Variants in SPG11 observed in about 807,000 individuals in gnomAD.
SPG11 encodes the protein SPG11 vesicle trafficking associated, spatacsin.
SPG11 carries 222 observed loss-of-function variants against 274.0 expected under a neutral mutation model. The observed-to-expected ratio is 0.81, with a 90% CI of 0.73 to 0.91. SPG11 has a LOEUF of 0.91. SPG11 is among the 40% of genes least tolerant of loss of function. The pLI, the probability that SPG11 is intolerant of heterozygous loss-of-function variation, is 0.00. For missense variants in SPG11, 3,114 were observed against 2,872.7 expected (o/e 1.08, Z -1.92); for synonymous variants, 1,144 against 1,039.7 (o/e 1.10, Z -1.93).
intron 7 of SPG11, among the ~76,000 whole-genome samples, chr15:44,640,374 C>A (rs1217991178): frequency 6.6e-6 from 1 of 151,932 alleles, no homozygotes; most frequent in African/African-American, 2.4e-5. Flanking sequence ...ACCTGCCCCG[C>A]CCCCCAAAAG....
chr15:44,562,884 TTAATAC>T lies in SPG11; in HGVS notation c.*231_*236del. The T allele has an allele frequency of 2.0e-6, 1 of 496,968 alleles. No homozygotes were observed. The highest frequency in any genetic ancestry group is 2.4e-5 in the South Asian group (1 of 41,640). 30.8% of individuals were successfully genotyped at this position (496,968 alleles called of 1,614,324 possible). On this transcript the variant is annotated 3_prime_UTR_variant, in exon 40 of 40. Transcript: ENST00000261866. ...CCTGAGGAAGAGGAAGCTTTTGATC[TTAATAC>T]TAGTATCTATATAAAATGGTGTGGA...
chr15:44,625,949 G>C (rs2083886542), intron 11 of SPG11, among the ~76,000 whole-genome samples: 1 of 152,196 alleles, frequency 6.6e-6, no homozygotes, highest in Non-Finnish European at 1.5e-5. Flanking sequence ...CAAAGTGCTG[G>C]GATTACAGGC....
chr15:44,631,015 C>T (rs1026971957), intron 8 of SPG11, among the ~76,000 whole-genome samples: 1 of 152,112 alleles, frequency 6.6e-6, no homozygotes, highest in African/African-American at 2.4e-5. Flanking sequence ...TAATTTTCTC[C>T]ATGTAAGCAG....
At position 44,652,314 on chromosome 15, in the gene SPG11, C is replaced by T. The variant is rs772864872; in HGVS notation, c.870-48G>A. On this transcript the variant is annotated intron_variant, in intron 4 of 39. Coordinates refer to ENST00000261866, the MANE Select transcript of SPG11 (RefSeq NM_025137.4). ...ACATATGAAAAAATGATGATCAAACCCAAATTTGTGTTACTACTGCTCCTG... is the reference window on the plus strand; with the variant it reads ...ACATATGAAAAAATGATGATCAAACTCAAATTTGTGTTACTACTGCTCCTG... The T allele has an allele frequency of 2.5e-6, 4 of 1,603,864 alleles. No individual in the cohort carries two copies. The South Asian group carries it at 3.3e-5, about 13-fold the overall frequency.
intron 32 of SPG11, among the ~76,000 whole-genome samples, 195 bp from the exon 33 acceptor site, chr15:44,573,015 C>T (rs1394831830): frequency 3.5e-5 from 4 of 112,820 alleles, no homozygotes; most frequent in Non-Finnish European, 6.6e-5. Flanking sequence ...GAGATGGAGT[C>T]TTGCTCTGTC....
Position 44,573,535 on chromosome 15 carries a change from G to C in SPG11, c.6205+12C>G, listed in dbSNP as rs373329133. 2.1e-5 allele frequency: 34 copies of C among 1,614,032 alleles called. No homozygotes were observed. In the African/African-American group the frequency reaches 2.9e-4, roughly 14 times the overall value. ...TGTCAGAGAGGTTGGGAATCCCCGGGGGGTAGGGCACCTGTTCCCTGTGAT... is the reference window on the plus strand; with the variant it reads ...TGTCAGAGAGGTTGGGAATCCCCGGCGGGTAGGGCACCTGTTCCCTGTGAT... On this transcript the variant is annotated intron_variant, in intron 32 of 39. Coordinates refer to ENST00000261866, the MANE Select transcript of SPG11 (RefSeq NM_025137.4).
At chr15:44,566,526 C>T (rs1352082751) in intron 36 of SPG11, among the ~76,000 whole-genome samples, 2 of 152,166 alleles carry the variant, frequency 1.3e-5, no homozygotes, top group Non-Finnish European at 2.9e-5. Context: ...CCTCATTTCT[C>T]CAAAACATCA....
rs775170269 is a variant in SPG11 at position 44,563,109 on chromosome 15, C to T, written c.*12G>A. 1 of 1,613,518 alleles carries T rather than the reference C, an allele frequency of 6.2e-7. No individual in the cohort carries two copies. Among genetic ancestry groups the T allele is most frequent in the Non-Finnish European group, 8.5e-7 (1 of 1,179,632 alleles). ...GCTAACAGTACAAGAAAACAGACACCTATGAAATCATCTAACCTGCTAGCA... is the reference window on the plus strand; with the variant it reads ...GCTAACAGTACAAGAAAACAGACACTTATGAAATCATCTAACCTGCTAGCA... On this transcript the variant is annotated 3_prime_UTR_variant, in exon 40 of 40. Transcript: ENST00000261866.
intron 16 of SPG11, among the ~76,000 whole-genome samples, chr15:44,613,821 A>G (rs1247525280): frequency 2.6e-5 from 4 of 152,254 alleles, no homozygotes; most frequent in Non-Finnish European, 4.4e-5. Context: ...AAGATACTTC[A>G]TATTTTATTG....
chr15:44,650,322 C>A (rs965685485), intron 6 of SPG11, among the ~76,000 whole-genome samples: 11 of 152,070 alleles, frequency 7.2e-5, no homozygotes, highest in African/African-American at 2.7e-4. Context: ...AGTTTGAGAC[C>A]AGCCTGGGCA....
intron 7 of SPG11, among the ~76,000 whole-genome samples, chr15:44,647,366 T>C (rs185189752): frequency 2.1e-4 from 32 of 152,294 alleles, no homozygotes; most frequent in Admixed American, 1.4e-3. Context: ...TGTGGAAGTT[T>C]GGGGATTCCT....
chr15:44,563,380 C>G, intron 39 of SPG11, 79 bp from the exon 40 acceptor site: 1 of 1,391,902 alleles, frequency 7.2e-7, no homozygotes, highest in Non-Finnish European at 1.0e-6. Flanking sequence ...ACTCTGTTGC[C>G]CAGGCTGGAG....
chr15:44,574,255 C>T (rs1595829310), intron 31 of SPG11, among the ~76,000 whole-genome samples: 1 of 152,232 alleles, frequency 6.6e-6, no homozygotes, highest in Non-Finnish European at 1.5e-5. Context: ...CCACCCGCCT[C>T]GGCCTCCCGA....
Position 44,567,492 on chromosome 15 carries a change from C to G in SPG11, c.6686G>C (p.Arg2229Pro). 1 of 1,614,042 alleles carries G rather than the reference C, an allele frequency of 6.2e-7. No individual in the cohort carries two copies. The highest frequency in any genetic ancestry group is 8.5e-7 in the Non-Finnish European group (1 of 1,180,000). Residue 2229 changes from arginine (R) to proline (P), a missense_variant, in exon 36 of 40, where the codon CGG (arginine) becomes CCG (proline). Transcript: ENST00000261866. ...NMIALCFSMCREIGENHEAAA... is the reference protein window; with the variant it reads ...NMIALCFSMCPEIGENHEAAA... ...TGCCTCGTGGTTCTCGCCAATCTCC[C>G]GGCACATGCTGAAGCACAGGGCAAT... is the stretch of plus-strand genomic sequence containing the variant.
At chr15:44,584,701 C>T in intron 29 of SPG11, 143 bp from the exon 30 acceptor site, 4 of 982,532 alleles carry the variant, frequency 4.1e-6, no homozygotes, top group South Asian at 1.4e-5. Flanking sequence ...GCGATCACAG[C>T]ACACTGCAGC....
rs143478648 is a variant in SPG11 at position 44,634,026 on chromosome 15, A to T, written c.1603-389T>A. On this transcript the variant is annotated intron_variant, in intron 7 of 39. Transcript: ENST00000261866. ...GCTAAATTTTGTATTTTTAGTAGAG[A>T]CAGGGTTTCACTGTGTTGGCCAGGC... Among the ~76,000 whole-genome samples, 951 of 152,148 alleles carry T rather than the reference A, an allele frequency of 6.3e-3. 10 individuals are homozygous for T. Among genetic ancestry groups the T allele is most frequent in the African/African-American group, 0.021 (878 of 41,522 alleles).
At chr15:44,608,017 G>A (rs762755956) in intron 19 of SPG11, among the ~76,000 whole-genome samples, 5 of 152,070 alleles carry the variant, frequency 3.3e-5, no homozygotes, top group African/African-American at 4.8e-5. Context: ...TTTGCCCTTC[G>A]GCTACCAGAT....
At chr15:44,634,759 C>G (rs1424566209) in intron 7 of SPG11, among the ~76,000 whole-genome samples, 2 of 151,852 alleles carry the variant, frequency 1.3e-5, no homozygotes, top group African/African-American at 2.4e-5. Context: ...GCTAATTTAA[C>G]AGAAACGGGG....
chr15:44,588,294 CAAAA>C (rs200671861), intron 28 of SPG11, among the ~76,000 whole-genome samples: 5 of 134,730 alleles, frequency 3.7e-5, no homozygotes, highest in African/African-American at 1.4e-4. Flanking sequence ...GAGGAATCTG[CAAAA>C]AAAAAAACAA....
Sources: gnomAD v4.1 joint callset for allele counts (sites outside exome capture counted in the v4.1 genomes callset) on GRCh38, gnomAD v4.1.1 for gene constraint, MANE v1.5 for transcripts, NCBI Gene and HGNC (gene_info 2026-07-23, HGNC 2026-07-21) for gene names.